The following NDUFAF6 variants were observed in gnomAD, a reference collection of about 807,000 sequenced individuals.
NDUFAF6 encodes NADH:ubiquinone oxidoreductase complex assembly factor 6.
Under a neutral mutation model 40.8 loss-of-function variants are expected in NDUFAF6, and 45 were observed. The ratio of observed to expected loss-of-function variants is 1.10; its 90% CI spans 0.87 to 1.42. The LOEUF (loss-of-function observed/expected upper bound fraction) is 1.42. Among genes scored for constraint, NDUFAF6 ranks in the 40% most tolerant of loss-of-function variants. The pLI is 0.00. For synonymous variants in NDUFAF6, 185 were observed against 155.9 expected (o/e 1.19, Z -1.39); for missense variants, 435 against 418.5 (o/e 1.04, Z -0.34).
At chr8:95,044,451 C>CTTTTTTT (rs71273446) in intron 4 of NDUFAF6, 76 of 123,598 alleles carry the variant, frequency 6.1e-4, no homozygotes, top group Non-Finnish European at 8.4e-4. Context: ...ATGTCATTTT[C>CTTTTTTT]TTTTTTTTTT....
chr8:95,096,860 C>T (rs1054049294), upstream of NDUFAF6, among the ~76,000 whole-genome samples: 28 of 152,186 alleles, frequency 1.8e-4, 1 homozygote, highest in Admixed American at 1.8e-3. Context: ...GAATTTCTCA[C>T]AAGAAACACA....
intron 9 of NDUFAF6, chr8:95,066,807 AT>A (rs1194021259): frequency 6.6e-6 from 1 of 152,234 alleles, no homozygotes; most frequent in African/African-American, 2.4e-5. Context: ...ATAGCTCTGA[AT>A]CATCTTGACT....
chr8:95,012,164 T>C (rs1827251420), intron 2 of NDUFAF6, among the ~76,000 whole-genome samples: 1 of 152,224 alleles, frequency 6.6e-6, no homozygotes, highest in African/African-American at 2.4e-5. Context: ...TTTATTTTAA[T>C]TTGCATTTCC....
intron 2 of NDUFAF6, among the ~76,000 whole-genome samples, chr8:94,949,795 A>G (rs1025669870): frequency 2.0e-5 from 3 of 152,154 alleles, no homozygotes; most frequent in African/African-American, 7.2e-5. Context: ...CAAAGGGCGC[A>G]GAACGTTTTT....
chr8:95,004,349 C>CTTTTTTTTT (rs11422482), intron 2 of NDUFAF6, among the ~76,000 whole-genome samples: 3 of 92,442 alleles, frequency 3.2e-5, no homozygotes, highest in African/African-American at 4.9e-5. Context: ...CTCACCATTA[C>CTTTTTTTTT]TTTTTTTTTT....
intron 1 of NDUFAF6, among the ~76,000 whole-genome samples, chr8:95,030,118 A>T (rs1404713543): frequency 6.6e-6 from 1 of 152,136 alleles, no homozygotes; most frequent in African/African-American, 2.4e-5. Context: ...TAAATTTAGT[A>T]GTAGGCATTG....
At chr8:94,922,465 G>A (rs1000451102) in intron 1 of NDUFAF6, among the ~76,000 whole-genome samples, 3 of 142,844 alleles carry the variant, frequency 2.1e-5, no homozygotes, top group Admixed American at 7.7e-5. Context: ...AGACCTACTG[G>A]ATTAGAATCT....
At chr8:95,020,177 C>A (rs909332875), upstream of NDUFAF6, among the ~76,000 whole-genome samples, 1 of 151,996 alleles carries the variant, frequency 6.6e-6, no homozygotes, top group Admixed American at 6.6e-5. Context: ...CCAGCCTGGG[C>A]GACAAGAGTG....
chr8:94,933,840 G>GGGC lies in NDUFAF6; in HGVS notation c.-935-11641_-935-11640insCGG, dbSNP rs1554630484. Among the ~76,000 whole-genome samples, 4 of 148,602 alleles carry GGGC rather than the reference G, an allele frequency of 2.7e-5. 1 individual carries two copies. In the East Asian group the frequency reaches 7.8e-4, roughly 29 times the overall value. ...CTGTAATCCCAGCACTTTGTGGGGGGGGGGGGAGGATCACGAGGTCAGGAG... is the reference window on the plus strand; with the variant it reads ...CTGTAATCCCAGCACTTTGTGGGGGGGGCGGGGGGAGGATCACGAGGTCAGGAG... On this transcript the variant is annotated intron_variant, in intron 1 of 14. Transcript: ENST00000396113.
At chr8:94,995,973 T>A (rs1189648921) in intron 2 of NDUFAF6, among the ~76,000 whole-genome samples, 1 of 152,150 alleles carries the variant, frequency 6.6e-6, no homozygotes, top group Non-Finnish European at 1.5e-5. Context: ...AGACAGGATT[T>A]CATCATATTG....
At chr8:95,046,266 C>T (rs1373672858) in intron 5 of NDUFAF6, among the ~76,000 whole-genome samples, 7 of 151,998 alleles carry the variant, frequency 4.6e-5, no homozygotes, top group East Asian at 3.9e-4. Context: ...AGAATGGTCT[C>T]GATCTCTTGA....
intron 1 of NDUFAF6, among the ~76,000 whole-genome samples, chr8:94,963,771 G>C (rs1324341049): frequency 6.6e-6 from 1 of 151,998 alleles, no homozygotes; most frequent in African/African-American, 2.4e-5. Flanking sequence ...GACATCTGGG[G>C]CTGAAAGGCA....
At chr8:95,076,952 C>T (rs1225365050), downstream of NDUFAF6, among the ~76,000 whole-genome samples, 1 of 151,776 alleles carries the variant, frequency 6.6e-6, no homozygotes, top group Non-Finnish European at 1.5e-5. Context: ...CACAGTGTGA[C>T]CGTATGTGGA....
chr8:95,100,435 G>A (rs1214873827), exon 1 of NDUFAF6: 1 of 152,166 alleles, frequency 6.6e-6, no homozygotes, highest in Non-Finnish European at 1.5e-5. Context: ...GATCTGAAAT[G>A]TTTGGTCTAG....
rs373280297 is a variant in NDUFAF6 at position 94,913,671 on chromosome 8, C to T, written c.-936+17744C>T. On this transcript the variant is annotated intron_variant, in intron 1 of 14. Transcript: ENST00000396113. Reference sequence around the variant, plus strand: ...AAAATCAGCTTAGCATTCTGGCATGCACCTGTAGTCCCAGCTACTCGGGAG... The same window carrying T: ...AAAATCAGCTTAGCATTCTGGCATGTACCTGTAGTCCCAGCTACTCGGGAG... Among the ~76,000 whole-genome samples the T allele has an allele frequency of 2.0e-5, 3 of 152,170 alleles. No individual in the cohort carries two copies. In the South Asian group the frequency reaches 6.2e-4, roughly 32 times the overall value.
intron 1 of NDUFAF6, among the ~76,000 whole-genome samples, chr8:94,933,418 A>T (rs1234135878): frequency 6.6e-6 from 1 of 152,220 alleles, no homozygotes; most frequent in African/African-American, 2.4e-5. Flanking sequence ...AAGAAGAAGA[A>T]ATCTACTGAA....
intron 9 of NDUFAF6, chr8:95,067,470 G>A (rs544421504): frequency 1.3e-5 from 2 of 151,992 alleles, no homozygotes; most frequent in East Asian, 1.9e-4. Context: ...TTTCCTGCCC[G>A]GGGCACTGTC....
chr8:95,035,357 C>T, intron 2 of NDUFAF6, 97 bp from the exon 3 acceptor site: 1 of 1,288,402 alleles, frequency 7.8e-7, no homozygotes, highest in Non-Finnish European at 1.1e-6. Flanking sequence ...AGTCATAATA[C>T]AGAACAGTTA....
intron 9 of NDUFAF6, chr8:95,067,742 C>G (rs1832736956): frequency 6.6e-6 from 1 of 152,092 alleles, no homozygotes; most frequent in Admixed American, 6.5e-5. Flanking sequence ...TCCACTTGGC[C>G]TCCTCTGACA....
Sources: gnomAD v4.1 joint callset for allele counts (sites outside exome capture counted in the v4.1 genomes callset) on GRCh38, gnomAD v4.1.1 for gene constraint, MANE v1.5 for transcripts, NCBI Gene and HGNC (gene_info 2026-07-23, HGNC 2026-07-21) for gene names.